The following RRM2 variants were observed in gnomAD, a reference collection of about 807,000 sequenced individuals.
The protein encoded by RRM2 is ribonucleotide reductase regulatory subunit M2.
Under a neutral mutation model 45.9 loss-of-function variants are expected in RRM2, and 6 were observed. The observed-to-expected ratio is 0.13, with a 90% CI of 0.07 to 0.26. The LOEUF is 0.26. Among genes scored for constraint, RRM2 ranks in the 10% least tolerant of loss-of-function variants. RRM2 has a pLI of 1.00. For synonymous variants in RRM2, 177 were observed against 173.0 expected (o/e 1.02, Z -0.18); for missense variants, 343 against 489.5 (o/e 0.70, Z 2.82).
At chr2:10,183,003 A>T (rs957396129) in intron 3 of RRM2, among the ~76,000 whole-genome samples, 4 of 152,092 alleles carry the variant, frequency 2.6e-5, no homozygotes, top group African/African-American at 7.2e-5. Flanking sequence ...CATTAGGAAG[A>T]CCCTGTCTCT....
intron 3 of RRM2, among the ~76,000 whole-genome samples, chr2:10,177,988 C>T (rs1226373052): frequency 9.3e-5 from 14 of 150,556 alleles, no homozygotes; most frequent in Non-Finnish European, 1.8e-4. Context: ...GTGGCGCGAT[C>T]TCGGCTCACT....
At chr2:10,209,360 G>C (rs1168860192) in intron 3 of RRM2, among the ~76,000 whole-genome samples, 2 of 152,006 alleles carry the variant, frequency 1.3e-5, no homozygotes, top group Admixed American at 1.3e-4. Context: ...ACCCAGCCTG[G>C]AAAGTAGTTT....
At chr2:10,147,543 C>G (rs1478629367) in intron 3 of RRM2, among the ~76,000 whole-genome samples, 1 of 152,072 alleles carries the variant, frequency 6.6e-6, no homozygotes, top group East Asian at 1.9e-4. Context: ...GGATTACAGG[C>G]GTGAGCCACC....
chr2:10,138,167 A>ATT (rs35428652), upstream of RRM2, among the ~76,000 whole-genome samples: 2,013 of 136,108 alleles, frequency 0.015, 51 homozygotes, highest in African/African-American at 0.052. Flanking sequence ...TGCCCGGCTA[A>ATT]TTTTTTTTTT....
intron 3 of RRM2, among the ~76,000 whole-genome samples, chr2:10,164,730 A>G (rs568247984): frequency 1.1e-4 from 17 of 152,310 alleles, no homozygotes; most frequent in Admixed American, 9.8e-4. Context: ...CCCATTTCCT[A>G]TCTGGGCGGC....
chr2:10,150,086 G>A (rs991598441), intron 3 of RRM2, among the ~76,000 whole-genome samples: 3 of 152,168 alleles, frequency 2.0e-5, no homozygotes, highest in African/African-American at 7.2e-5. Flanking sequence ...GGACGAGGCG[G>A]GTGGATTGCT....
rs1662857207 is a variant in RRM2 at position 10,129,686 on chromosome 2, T to C, written c.*300T>C. 3.3e-6 allele frequency: 1 copy of C among 300,684 alleles called. No homozygotes were observed. Among genetic ancestry groups the C allele is most frequent in the Non-Finnish European group, 6.1e-6 (1 of 162,930 alleles). 18.6% of individuals were successfully genotyped at this position (300,684 alleles called of 1,614,324 possible). A position where few individuals can be genotyped will look rare whatever the true frequency, so the allele number is the denominator to read the frequency against. On this transcript the variant is annotated 3_prime_UTR_variant, in exon 10 of 10. Transcript: ENST00000304567. This position sits in a 1 kb window ranked among gnomAD's most constrained non-coding sequence, Gnocchi z 4.8. ...AGCACAGCGGGATTAAACAGTCCTT[T>C]AACCAGCACAGCCAGTTAAAAGATG...
At chr2:10,181,574 C>T (rs1664047424) in intron 3 of RRM2, among the ~76,000 whole-genome samples, 4 of 152,122 alleles carry the variant, frequency 2.6e-5, no homozygotes, top group Admixed American at 1.3e-4. Flanking sequence ...CTCCTGGGCT[C>T]AGGCAAGCAT....
chr2:10,126,793 C>T (rs988150225), intron 5 of RRM2, 82 bp from the exon 6 acceptor site: 2 of 1,037,356 alleles, frequency 1.9e-6, no homozygotes, highest in African/African-American at 3.2e-5. Context: ...TGGCCTTTGT[C>T]CCAGAGCTCT....
At chr2:10,135,513 T>G (rs892912282), downstream of RRM2, among the ~76,000 whole-genome samples, 2 of 151,722 alleles carry the variant, frequency 1.3e-5, no homozygotes, top group African/African-American at 4.8e-5. Flanking sequence ...CGTGCGGGTG[T>G]GGGATGTGTT....
At chr2:10,122,708 AT>A, upstream of RRM2, 1 of 1,550,970 alleles carries the variant, frequency 6.4e-7, no homozygotes, top group East Asian at 2.4e-5. Flanking sequence ...GGCGCGGGAG[AT>A]TTAAAGGCTG....
Position 10,204,628 on chromosome 2 carries a change from G to A in RRM2, n.483-5683G>A, listed in dbSNP as rs901954422. ...GCTGGGAGCATCCGAGGCCATTAGG[G>A]ACAGGACGCTAATGCATCGGCGCCC... On this transcript the variant is annotated intron_variant and non_coding_transcript_variant, in intron 3 of 3. Coordinates refer to the RRM2 transcript ENST00000381786. The surrounding 1 kb of genome is among the most constrained non-coding windows in gnomAD (Gnocchi z 4.0). Among the ~76,000 whole-genome samples the A allele has an allele frequency of 1.3e-5, 2 of 152,276 alleles. No homozygotes were observed. The highest frequency in any genetic ancestry group is 4.8e-5 in the African/African-American group (2 of 41,476).
chr2:10,134,854 G>A (rs929424838), downstream of RRM2, among the ~76,000 whole-genome samples: 1 of 152,212 alleles, frequency 6.6e-6, no homozygotes, highest in African/African-American at 2.4e-5. Context: ...GGCAGTGTTT[G>A]AGGAGGTAAA....
chr2:10,194,551 G>A lies in RRM2; in HGVS notation n.483-15760G>A, dbSNP rs764568595. 4.2e-4 allele frequency among the ~76,000 whole-genome samples: 64 copies of A among 152,218 alleles called. 1 individual carries two copies. The highest frequency in any genetic ancestry group is 2.1e-4 in the South Asian group (1 of 4,834). On this transcript the variant is annotated intron_variant and non_coding_transcript_variant, in intron 3 of 3. Coordinates refer to the RRM2 transcript ENST00000381786. ...TCCTGGGCTAACGGTGCACTTCTCC[G>A]TCCTGCTTCACTGCCTTATGGCACG...
chr2:10,149,173 G>A (rs1479135984), intron 3 of RRM2, among the ~76,000 whole-genome samples: 1 of 150,850 alleles, frequency 6.6e-6, no homozygotes, highest in Non-Finnish European at 1.5e-5. Flanking sequence ...CTGTTGCTCA[G>A]GCTGGAGTGC....
Position 10,123,425 on chromosome 2 carries a change from G to T in RRM2, c.213G>T (p.Pro71=). 3 of 1,614,124 alleles carry T rather than the reference G, an allele frequency of 1.9e-6. No homozygotes were observed. Among genetic ancestry groups the T allele is most frequent in the Non-Finnish European group, 1.7e-6 (2 of 1,180,006 alleles). Residue 71 remains proline (P), a synonymous_variant, in exon 3 of 10, where the codon CCG becomes CCT. Transcript: ENST00000304567. The part of the protein sequence containing the change: ...KAAAPGVEDE[P]LLRENPRRFV... ...CTGCCCCCGGCGTGGAGGATGAGCC[G>T]CTGCTGAGAGAAAACCCCCGCCGCT...
chr2:10,206,030 A>G lies in RRM2; in HGVS notation n.483-4281A>G, dbSNP rs150965563. Among the ~76,000 whole-genome samples, 1,212 of 152,152 alleles carry G rather than the reference A, an allele frequency of 8.0e-3. 22 individuals are homozygous for G. Among genetic ancestry groups the G allele is most frequent in the African/African-American group, 0.028 (1,167 of 41,552 alleles). On this transcript the variant is annotated intron_variant and non_coding_transcript_variant, in intron 3 of 3. Transcript: ENST00000381786. ...GGGAGGCCGAAGCGGGAGGATCATG[A>G]GGTCAGGAGATCGAGACCATCCTGG...
intron 3 of RRM2, among the ~76,000 whole-genome samples, chr2:10,161,570 T>C (rs1241661896): frequency 2.6e-5 from 4 of 151,972 alleles, no homozygotes; most frequent in Non-Finnish European, 5.9e-5. Context: ...ACATACACTA[T>C]TTAAAAACAC....
chr2:10,174,169 A>G lies in RRM2; in HGVS notation n.482+31794A>G, dbSNP rs557130381. Among the ~76,000 whole-genome samples, 3 of 152,318 alleles carry G rather than the reference A, an allele frequency of 2.0e-5. No homozygotes were observed. In the South Asian group the frequency reaches 6.2e-4, roughly 32 times the overall value. On this transcript the variant is annotated intron_variant and non_coding_transcript_variant, in intron 3 of 3. Coordinates refer to the RRM2 transcript ENST00000381786. ...GGGAGGAGGCGGCTGCCTCCCACCCAGGAGGAGCCCTTACTGGACACTGGG... is the reference window on the plus strand; with the variant it reads ...GGGAGGAGGCGGCTGCCTCCCACCCGGGAGGAGCCCTTACTGGACACTGGG...
Sources: gnomAD v4.1 joint callset for allele counts (sites outside exome capture counted in the v4.1 genomes callset) on GRCh38, gnomAD v4.1.1 for gene constraint, Gnocchi (gnomAD v3.1) non-coding constraint, MANE v1.5 for transcripts, NCBI Gene and HGNC (gene_info 2026-07-23, HGNC 2026-07-21) for gene names.